Variants in NOP14 observed in about 807,000 individuals in gnomAD.
NOP14 encodes the protein NOP14 nucleolar protein, also known as nucleolar protein 14.
NOP14 carries 57 observed loss-of-function variants against 101.6 expected under a neutral mutation model. That is an observed-to-expected ratio of 0.56 (90% CI 0.45 to 0.70). The LOEUF (loss-of-function observed/expected upper bound fraction) is 0.70, where lower values mean the gene tolerates loss of function less well. NOP14 is among the 30% of genes least tolerant of loss of function. NOP14 has a pLI of 0.00. For missense variants in NOP14, 1,134 were observed against 1,075.5 expected (o/e 1.05, Z -0.76); for synonymous variants, 428 against 424.0 (o/e 1.01, Z -0.12).
intron 16 of NOP14, 53 bp from the exon 17 acceptor site, chr4:2,939,396 G>A: frequency 6.2e-7 from 1 of 1,611,150 alleles, no homozygotes; most frequent in Non-Finnish European, 8.5e-7. Flanking sequence ...CCACCTCTCA[G>A]CCAGAGCCTG....
At chr4:2,942,106 A>G (rs1268508950) in intron 14 of NOP14, 86 bp downstream of exon 14, 1 of 1,398,580 alleles carries the variant, frequency 7.2e-7, no homozygotes, top group Non-Finnish European at 9.8e-7. Context: ...TTCACTAAGA[A>G]CAGCACATCA....
At position 2,945,849 on chromosome 4, in the gene NOP14, C is replaced by T. The variant is rs528909200; in HGVS notation, c.1635+563G>A. ...GGAATCAAACCAGAATCTCCCTGCACGACCCACACGTTAGTCCATGGCTAG... is the reference window on the plus strand; with the variant it reads ...GGAATCAAACCAGAATCTCCCTGCATGACCCACACGTTAGTCCATGGCTAG... On this transcript the variant is annotated intron_variant, in intron 11 of 17. Coordinates refer to ENST00000416614, the MANE Select transcript of NOP14 (RefSeq NM_001291978.2). Among the ~76,000 whole-genome samples, 40 of 152,338 alleles carry T rather than the reference C, an allele frequency of 2.6e-4. 1 individual carries two copies. The highest frequency in any genetic ancestry group is 7.0e-4 in the African/African-American group (29 of 41,564).
chr4:2,962,637 A>G (rs1325006106), intron 1 of NOP14, among the ~76,000 whole-genome samples: 1 of 152,024 alleles, frequency 6.6e-6, no homozygotes. Context: ...CCAACCTGCT[A>G]ATGTATGTTC....
chr4:2,958,727 G>A (rs1194820647), intron 1 of NOP14, among the ~76,000 whole-genome samples: 1 of 152,208 alleles, frequency 6.6e-6, no homozygotes, highest in Non-Finnish European at 1.5e-5. Context: ...GAGGGAGCGT[G>A]TGGTGACTTG....
Position 2,963,113 on chromosome 4 carries a change from C to A in NOP14, c.195+12G>T. The stretch of plus-strand genomic sequence containing the variant: ...ATCCTGCCTTCCGGCTCCCCGTGCG[C>A]CCCCCGCTTACCTTCCTGAGGGCCC... On this transcript the variant is annotated intron_variant, in intron 1 of 17. Transcript: ENST00000416614. The A allele has an allele frequency of 6.5e-7, 1 of 1,530,210 alleles. No homozygotes were observed. The highest frequency in any genetic ancestry group is 8.8e-7 in the Non-Finnish European group (1 of 1,141,562). The allele number at this position is 1,530,210 out of a possible 1,614,324, so 94.8% of individuals were successfully genotyped here. A position where few individuals can be genotyped will look rare whatever the true frequency, so the allele number is the denominator to read the frequency against.
intron 16 of NOP14, 85 bp downstream of exon 16, chr4:2,939,442 C>G: frequency 1.3e-6 from 2 of 1,596,658 alleles, no homozygotes; most frequent in Admixed American, 3.3e-5. Flanking sequence ...GTCATCTGCT[C>G]AACTGCAGAA....
intron 1 of NOP14, among the ~76,000 whole-genome samples, chr4:2,962,552 G>T (rs1474032794): frequency 1.3e-5 from 2 of 152,046 alleles, no homozygotes; most frequent in African/African-American, 4.8e-5. Context: ...ATTGAAATGT[G>T]AATGCATGCC....
In NOP14 at chr4:2,939,103, C is replaced by T. The variant is rs893155460; in HGVS notation, c.2474+85G>A. ...AGCCAGAGCCAAGGCTGTGGGATGC[C>T]AGGTGCCCGGTGCTCTGCCCAGGGC... On this transcript the variant is annotated intron_variant, in intron 17 of 17. Coordinates refer to ENST00000416614, the MANE Select transcript of NOP14 (RefSeq NM_001291978.2). The T allele has an allele frequency of 4.4e-6, 7 of 1,575,510 alleles. No individual in the cohort carries two copies. The Admixed American group carries it at 6.8e-5, about 15-fold the overall frequency.
chr4:2,962,704 A>G (rs1716151028), intron 1 of NOP14, among the ~76,000 whole-genome samples: 1 of 152,162 alleles, frequency 6.6e-6, no homozygotes, highest in African/African-American at 2.4e-5. Context: ...ATGAGTTTCC[A>G]TAGAGTTACT....
Position 2,950,312 on chromosome 4 carries a change from T to A in NOP14, c.1003-99A>T, listed in dbSNP as rs1425199766. ...AGAGGCTGCCCACATCAGGGCTTTC[T>A]ACGTGGTTGCAAGGAACACAAACCT... On this transcript the variant is annotated intron_variant, in intron 7 of 17. Coordinates refer to ENST00000416614, the MANE Select transcript of NOP14 (RefSeq NM_001291978.2). 3.8e-6 allele frequency: 5 copies of A among 1,318,672 alleles called. No individual in the cohort carries two copies. In the Admixed American group the frequency reaches 5.8e-5, roughly 15 times the overall value. 81.7% of individuals were successfully genotyped at this position (1,318,672 alleles called of 1,614,324 possible). A position where few individuals can be genotyped will look rare whatever the true frequency, so the allele number is the denominator to read the frequency against.
chr4:2,950,101 T>C lies in NOP14; in HGVS notation c.1115A>G (p.Glu372Gly). 1 of 1,614,128 alleles carries C rather than the reference T, an allele frequency of 6.2e-7. No individual in the cohort carries two copies. The highest frequency in any genetic ancestry group is 8.5e-7 in the Non-Finnish European group (1 of 1,179,992). Residue 372 changes from glutamate (E) to glycine (G), a missense_variant, in exon 8 of 18, where the codon GAG becomes GGG. By Grantham distance (98) the Glu-to-Gly change is moderately conservative (BLOSUM62 -2). Coordinates refer to ENST00000416614, the MANE Select transcript of NOP14 (RefSeq NM_001291978.2). ...GDSSGGEDTEESDSPDSHLDL... is the reference protein window; with the variant it reads ...GDSSGGEDTEGSDSPDSHLDL... ...CAAGTGGCTATCTGGGCTGTCGCTCTCCTCTGTGTCCTCCCCGCCTGAACT... is the reference window on the plus strand; with the variant it reads ...CAAGTGGCTATCTGGGCTGTCGCTCCCCTCTGTGTCCTCCCCGCCTGAACT...
rs1457023039 is a variant in NOP14 at position 2,938,952 on chromosome 4, T to C, written c.2475-22A>G. The C allele has an allele frequency of 3.1e-6, 5 of 1,604,206 alleles. No individual in the cohort carries two copies. The Admixed American group carries it at 6.7e-5, about 21-fold the overall frequency. On this transcript the variant is annotated intron_variant, in intron 17 of 17. Coordinates refer to ENST00000416614, the MANE Select transcript of NOP14 (RefSeq NM_001291978.2). ...ATCCCTAAAAGAAACAAAAGGCAAA[T>C]GCCCATTTTTGGATTAGTTCTTGGA...
chr4:2,951,010 G>A (rs1714991197), intron 7 of NOP14, 104 bp downstream of exon 7: 1 of 1,093,298 alleles, frequency 9.1e-7, no homozygotes, highest in Non-Finnish European at 1.3e-6. Flanking sequence ...TGGTTAAAAA[G>A]ATTTAAAATT....
intron 8 of NOP14, among the ~76,000 whole-genome samples, chr4:2,949,393 C>T (rs987883821): frequency 3.9e-5 from 6 of 152,002 alleles, no homozygotes; most frequent in Middle Eastern, 3.2e-3. Flanking sequence ...TTGGTAGAGA[C>T]GAGGTTTCGC....
chr4:2,951,651 G>T (rs778771572), intron 6 of NOP14, among the ~76,000 whole-genome samples: 9 of 152,222 alleles, frequency 5.9e-5, no homozygotes, highest in Middle Eastern at 6.8e-3. Flanking sequence ...AGAAGCTAGT[G>T]ATGTGGTTAT....
chr4:2,961,209 TATTAA>T (rs1231934424), intron 1 of NOP14: 116 of 3,038 alleles, frequency 0.038, no homozygotes, highest in African/African-American at 0.21. Flanking sequence ...TATAATAATA[TATTAA>T]TATATTAATA....
At chr4:2,957,084 C>A (rs1000661384) in intron 2 of NOP14, among the ~76,000 whole-genome samples, 1 of 152,150 alleles carries the variant, frequency 6.6e-6, no homozygotes, top group African/African-American at 2.4e-5. Context: ...TCACTGCAAC[C>A]TCTGACTCCC....
At chr4:2,945,075 C>T (rs28474697) in intron 12 of NOP14, 53 bp downstream of exon 12, 40,955 of 1,321,296 alleles carry the variant, frequency 0.031, 833 homozygotes, top group African/African-American at 0.077. Flanking sequence ...GCTGTGGCTC[C>T]GGCCACCCGT....
At chr4:2,956,507 T>C (rs2109311705) in intron 3 of NOP14, among the ~76,000 whole-genome samples, 163 bp downstream of exon 3, 1 of 151,716 alleles carries the variant, frequency 6.6e-6, no homozygotes. Context: ...AAAACAAAAA[T>C]ACATAAAAAC....
Sources: gnomAD v4.1 joint callset for allele counts (sites outside exome capture counted in the v4.1 genomes callset) on GRCh38, gnomAD v4.1.1 for gene constraint, MANE v1.5 for transcripts, NCBI Gene and HGNC (gene_info 2026-07-23, HGNC 2026-07-21) for gene names.